The following SLC45A3 variants were observed in gnomAD, a reference collection of about 807,000 sequenced individuals.
SLC45A3 encodes the protein prostate cancer associated protein 2.
In SLC45A3, 17 loss-of-function variants were observed where a neutral mutation model predicts 35.3. That is an observed-to-expected ratio of 0.48 (90% CI 0.33 to 0.72). The LOEUF (loss-of-function observed/expected upper bound fraction) is 0.72. Ranked by LOEUF, SLC45A3 falls within the 30% of genes least tolerant of loss-of-function variation. SLC45A3 has a pLI of 0.02. For synonymous variants in SLC45A3, 288 were observed against 334.3 expected (o/e 0.86, Z 1.51); for missense variants, 597 against 731.7 (o/e 0.82, Z 2.12).
intron 1 of SLC45A3, among the ~76,000 whole-genome samples, chr1:205,673,914 A>T (rs919982641): frequency 3.3e-5 from 5 of 152,238 alleles, no homozygotes. Context: ...GTCAGACAGC[A>T]CTGAAACCCA....
chr1:205,679,685 A>AACACACACACACACACACACACAC (rs55762304), intron 1 of SLC45A3, among the ~76,000 whole-genome samples: 25 of 138,852 alleles, frequency 1.8e-4, no homozygotes, highest in South Asian at 1.3e-3. Flanking sequence ...GGGACACAGT[A>AACACACACACACACACACACACAC]ACACACACAC....
chr1:205,662,985 C>A lies in SLC45A3; in HGVS notation c.806G>T (p.Arg269Leu). The A allele has an allele frequency of 6.2e-7, 1 of 1,613,168 alleles. No homozygotes were observed. The highest frequency in any genetic ancestry group is 1.1e-5 in the South Asian group (1 of 91,068). The change falls in exon 3 of 5, where the codon CGC becomes CTC. Residue 269 changes from arginine to leucine, a missense_variant. Transcript: ENST00000367145. The surrounding 1 kb of genome is among the most constrained non-coding windows in gnomAD (Gnocchi z 6.2). Reference sequence around the variant, plus strand: ...AGCCACGAAGAGCCGGCGCAGGGTGCGGGGCATGCGGCAGCACAGCTGGTG... The same window carrying A: ...AGCCACGAAGAGCCGGCGCAGGGTGAGGGGCATGCGGCAGCACAGCTGGTG... ...RLHQLCCRMP[R>L]TLRRLFVAEL...
In SLC45A3 at chr1:205,664,489, C is replaced by T; in HGVS notation, c.168G>A (p.Val56=). ...AAGGAGGATGTAGTGACTCACCCAG[C>T]ACCATGGTCATGAACTTCTCCTCTA... is the stretch of plus-strand genomic sequence containing the variant. ...VGVEEKFMTM[V]LGIGPVLGLV... Residue 56 remains valine, a synonymous_variant, in exon 2 of 5, where the codon GTG becomes GTA. Coordinates refer to ENST00000367145, the MANE Select transcript of SLC45A3 (RefSeq NM_033102.3). The surrounding 1 kb of genome is among the most constrained non-coding windows in gnomAD (Gnocchi z 5.3). The T allele has an allele frequency of 6.2e-7, 1 of 1,614,130 alleles. No individual in the cohort carries two copies. The highest frequency in any genetic ancestry group is 1.1e-5 in the South Asian group (1 of 91,068).
In SLC45A3 at chr1:205,663,762, C is replaced by A. The variant is rs527560665; in HGVS notation, c.173-144G>T. ...CTTCACAGGGATGCTGTAATTTACT[C>A]CTCATAACACAGGCATTACAGATGC... is the stretch of plus-strand genomic sequence containing the variant. On this transcript the variant is annotated intron_variant, in intron 2 of 4. Transcript: ENST00000367145. 48 of 857,464 alleles carry A rather than the reference C, an allele frequency of 5.6e-5. 2 individuals are homozygous for A. The South Asian group carries it at 6.2e-4, about 11-fold the overall frequency. The allele number at this position is 857,464 out of a possible 1,614,324, so 53.1% of individuals were successfully genotyped here. A position where few individuals can be genotyped will look rare whatever the true frequency, so the allele number is the denominator to read the frequency against.
Position 205,662,515 on chromosome 1 carries a change from G to A in SLC45A3, c.958+318C>T, listed in dbSNP as rs950168615. On this transcript the variant is annotated intron_variant, in intron 3 of 4. Coordinates refer to ENST00000367145, the MANE Select transcript of SLC45A3 (RefSeq NM_033102.3). The surrounding 1 kb of genome is among the most constrained non-coding windows in gnomAD (Gnocchi z 6.2). ...GTTGGGGGAGCAGAGGGCACACTGC[G>A]GCTGGAACCAGGCAGATCTGAAATC... The A allele has an allele frequency of 6.2e-6, 8 of 1,286,824 alleles. No individual in the cohort carries two copies. Among genetic ancestry groups the A allele is most frequent in the Admixed American group, 7.5e-5 (2 of 26,694 alleles). 79.7% of individuals were successfully genotyped at this position (1,286,824 alleles called of 1,614,324 possible). A position where few individuals can be genotyped will look rare whatever the true frequency, so the allele number is the denominator to read the frequency against.
intron 1 of SLC45A3, among the ~76,000 whole-genome samples, chr1:205,671,060 G>C (rs1002671294): frequency 6.6e-6 from 1 of 152,238 alleles, no homozygotes; most frequent in African/African-American, 2.4e-5. Context: ...TGGGGGAAGG[G>C]GAGGGGAAGG....
chr1:205,662,774 G>T lies in SLC45A3; in HGVS notation c.958+59C>A. 6.6e-7 allele frequency: 1 copy of T among 1,518,948 alleles called. No homozygotes were observed. Among genetic ancestry groups the T allele is most frequent in the South Asian group, 1.3e-5 (1 of 76,058 alleles). 94.1% of individuals were successfully genotyped at this position (1,518,948 alleles called of 1,614,324 possible). ...GAGGCACCAGCCCAGACACAGCCCC[G>T]AGTGTCGTCTCTGGTGGGCGGCTCC... On this transcript the variant is annotated intron_variant, in intron 3 of 4. Transcript: ENST00000367145. This position sits in a 1 kb window ranked among gnomAD's most constrained non-coding sequence, Gnocchi z 6.2.
chr1:205,667,232 A>T (rs979201726), intron 1 of SLC45A3, among the ~76,000 whole-genome samples: 1 of 152,192 alleles, frequency 6.6e-6, no homozygotes, highest in African/African-American at 2.4e-5. Flanking sequence ...TAGGCCAGGT[A>T]CAGTGGCTCA....
At chr1:205,670,442 G>T (rs1015143147) in intron 1 of SLC45A3, among the ~76,000 whole-genome samples, 6 of 152,190 alleles carry the variant, frequency 3.9e-5, no homozygotes, top group Non-Finnish European at 8.8e-5. Flanking sequence ...CGACTTCACA[G>T]GGCTCCCAGG....
intron 1 of SLC45A3, among the ~76,000 whole-genome samples, chr1:205,673,702 G>A (rs1000575142): frequency 3.3e-5 from 5 of 152,170 alleles, no homozygotes; most frequent in Non-Finnish European, 7.3e-5. Flanking sequence ...CCTAGAGTCT[G>A]TGATCAGTCC....
intron 1 of SLC45A3, among the ~76,000 whole-genome samples, chr1:205,665,515 C>T (rs1011543011): frequency 1.3e-5 from 2 of 152,138 alleles, no homozygotes; most frequent in Non-Finnish European, 2.9e-5. Flanking sequence ...CTGAGTTCAA[C>T]GTTCAAGGGG....
chr1:205,667,841 A>C (rs1256335238), intron 1 of SLC45A3, among the ~76,000 whole-genome samples: 1 of 152,088 alleles, frequency 6.6e-6, no homozygotes, highest in African/African-American at 2.4e-5. Context: ...AAAAGACAAA[A>C]AGAAAGAGGT....
At position 205,657,977 on chromosome 1, in the gene SLC45A3, CCCCT is replaced by C; in HGVS notation, c.*1253_*1256del. ...ATTATTGCAAACGGCACTTAAACCC[CCCCT>C]GAGAGATAAGACCTCCCTTAGCTCA... On this transcript the variant is annotated 3_prime_UTR_variant, in exon 5 of 5. Coordinates refer to ENST00000367145, the MANE Select transcript of SLC45A3 (RefSeq NM_033102.3). 8.9e-6 allele frequency: 2 copies of C among 225,732 alleles called. No homozygotes were observed. The highest frequency in any genetic ancestry group is 1.8e-5 in the Non-Finnish European group (2 of 113,056). The allele number at this position is 225,732 out of a possible 1,614,324, so 14.0% of individuals were successfully genotyped here.
In SLC45A3 at chr1:205,663,502, G is replaced by A. The variant is rs758404940; in HGVS notation, c.289C>T (p.Leu97=). The part of the protein sequence containing the change: ...PFIWALSLGI[L]LSLFLIPRAG... ...CTTGGGATGAGAAAGAGGCTCAGCA[G>A]GATGCCCAAGGACAGTGCCCAGATG... The change falls in exon 3 of 5, where the codon CTG becomes TTG. Residue 97 remains leucine, a synonymous_variant. Transcript: ENST00000367145. 3 of 1,613,032 alleles carry A rather than the reference G, an allele frequency of 1.9e-6. No homozygotes were observed. Among genetic ancestry groups the A allele is most frequent in the Non-Finnish European group, 2.5e-6 (3 of 1,179,978 alleles).
intron 2 of SLC45A3, among the ~76,000 whole-genome samples, chr1:205,663,842 T>C (rs1193511914): frequency 1.3e-5 from 2 of 152,174 alleles, no homozygotes; most frequent in African/African-American, 4.8e-5. Flanking sequence ...GTGATACTTA[T>C]TCAAAGGCGC....
intron 1 of SLC45A3, among the ~76,000 whole-genome samples, chr1:205,670,444 G>A (rs564450211): frequency 3.3e-5 from 5 of 152,148 alleles, no homozygotes; most frequent in Non-Finnish European, 7.3e-5. Flanking sequence ...ACTTCACAGG[G>A]CTCCCAGGGG....
intron 1 of SLC45A3, among the ~76,000 whole-genome samples, chr1:205,667,359 T>A (rs1323629648): frequency 6.6e-6 from 1 of 152,014 alleles, no homozygotes. Context: ...ATACAAAAAT[T>A]AGCTGGGCAT....
intron 1 of SLC45A3, among the ~76,000 whole-genome samples, chr1:205,672,118 G>A (rs981204214): frequency 3.3e-5 from 5 of 152,110 alleles, no homozygotes; most frequent in African/African-American, 9.7e-5. Context: ...TTCTTTGGTC[G>A]CCTCCTCAGT....
rs1227496603 is a variant in SLC45A3, at chr1:205,662,783, C to T, written c.958+50G>A. ...GCCCAGACACAGCCCCGAGTGTCGTCTCTGGTGGGCGGCTCCCACACCAGC... is the reference window on the plus strand; with the variant it reads ...GCCCAGACACAGCCCCGAGTGTCGTTTCTGGTGGGCGGCTCCCACACCAGC... On this transcript the variant is annotated intron_variant, in intron 3 of 4. Coordinates refer to ENST00000367145, the MANE Select transcript of SLC45A3 (RefSeq NM_033102.3). This position sits in a 1 kb window ranked among gnomAD's most constrained non-coding sequence, Gnocchi z 6.2. 1 of 1,518,110 alleles carries T rather than the reference C, an allele frequency of 6.6e-7. No individual in the cohort carries two copies. The highest frequency in any genetic ancestry group is 1.3e-5 in the South Asian group (1 of 75,226). 94.0% of individuals were successfully genotyped at this position (1,518,110 alleles called of 1,614,324 possible).
Sources: allele counts gnomAD v4.1 joint callset (sites outside exome capture counted in the v4.1 genomes callset), GRCh38; gene constraint gnomAD v4.1.1; non-coding constraint Gnocchi (gnomAD v3.1); transcripts MANE v1.5; gene names NCBI Gene and HGNC (gene_info 2026-07-23, HGNC 2026-07-21).